Variants in NUP153 observed in about 807,000 individuals in gnomAD.
The protein encoded by NUP153 is nucleoporin 153, also known as nuclear pore complex protein Nup153.
In NUP153, 27 loss-of-function variants were observed where a neutral mutation model predicts 134.6. The ratio of observed to expected loss-of-function variants is 0.20; its 90% CI spans 0.15 to 0.28. The LOEUF (loss-of-function observed/expected upper bound fraction) is 0.28, where lower values mean the gene tolerates loss of function less well. Ranked by LOEUF, NUP153 falls within the 10% of genes least tolerant of loss-of-function variation. The pLI is 1.00. For synonymous variants in NUP153, 640 were observed against 623.5 expected (o/e 1.03, Z -0.40); for missense variants, 1,821 against 1,731.3 (o/e 1.05, Z -0.92).
rs1253846310 is a variant in NUP153, at chr6:17,625,071, C to G, written c.3902-238G>C. Among the ~76,000 whole-genome samples the G allele has an allele frequency of 6.6e-6, 1 of 152,186 alleles. No individual in the cohort carries two copies. Among genetic ancestry groups the G allele is most frequent in the Non-Finnish European group, 1.5e-5 (1 of 68,040 alleles). ...ACTGCAATTAACAACTACTCCACAC[C>G]TTTACAGCCGACAATTTCTGGTAAA... On this transcript the variant is annotated intron_variant, in intron 19 of 21. Coordinates refer to ENST00000262077, the MANE Select transcript of NUP153 (RefSeq NM_005124.4). The surrounding 1 kb of genome is among the most constrained non-coding windows in gnomAD (Gnocchi z 4.7).
intron 20 of NUP153, among the ~76,000 whole-genome samples, chr6:17,618,788 G>T (rs1050318263): frequency 4.7e-4 from 72 of 152,098 alleles, no homozygotes; most frequent in Admixed American, 4.6e-3. Context: ...GGATGGTCTC[G>T]ATATCCTGAC....
At chr6:17,698,078 TC>T (rs1358886769) in intron 1 of NUP153, among the ~76,000 whole-genome samples, 4 of 152,204 alleles carry the variant, frequency 2.6e-5, no homozygotes, top group Admixed American at 6.5e-5. Context: ...TTTCACTGGA[TC>T]TTTAACTATA....
intron 11 of NUP153, among the ~76,000 whole-genome samples, chr6:17,659,450 T>TA (rs1359438748): frequency 1.3e-5 from 2 of 152,178 alleles, no homozygotes; most frequent in Non-Finnish European, 2.9e-5. Context: ...TTACACAAGG[T>TA]AAGACAGCCC....
Position 17,626,015 on chromosome 6 carries a change from T to C in NUP153, c.3694A>G (p.Ser1232Gly), listed in dbSNP as rs1379065427. ...AAGGCAGAGCTGCTCACAGGATTGC[T>C]GGACTGTCCAAACACAAAGGTAGCC... The part of the protein sequence containing the change: ...PVATFVFGQS[S>G]NPVSSSAFGN... Residue 1232 changes from serine (S) to glycine (G), a missense_variant, in exon 19 of 22, where the codon AGC becomes GGC. Transcript: ENST00000262077. 1.2e-6 allele frequency: 2 copies of C among 1,614,190 alleles called. No individual in the cohort carries two copies. Among genetic ancestry groups the C allele is most frequent in the Admixed American group, 3.3e-5 (2 of 60,032 alleles).
At chr6:17,650,392 A>C (rs373322315) in intron 11 of NUP153, among the ~76,000 whole-genome samples, 1 of 152,180 alleles carries the variant, frequency 6.6e-6, no homozygotes, top group South Asian at 2.1e-4. Context: ...TCTACATATA[A>C]GCCACCCGAA....
intron 2 of NUP153, among the ~76,000 whole-genome samples, chr6:17,682,620 T>A (rs1027176174): frequency 6.6e-6 from 1 of 152,026 alleles, no homozygotes; most frequent in African/African-American, 2.4e-5. Flanking sequence ...GTAGATTCCA[T>A]CTCACGAAAC....
chr6:17,696,530 T>C (rs549028726), intron 1 of NUP153, among the ~76,000 whole-genome samples: 20 of 151,042 alleles, frequency 1.3e-4, no homozygotes, highest in African/African-American at 3.4e-4. Context: ...CCGAGGCGGG[T>C]GGATCACAAG....
At chr6:17,660,553 T>TATACATATAC (rs1423723906) in intron 11 of NUP153, among the ~76,000 whole-genome samples, 1 of 151,536 alleles carries the variant, frequency 6.6e-6, no homozygotes, top group African/African-American at 2.4e-5. Context: ...ATAAATTATA[T>TATACATATAC]ATACATATAC....
Position 17,706,322 on chromosome 6 carries a change from G to C in NUP153, c.66C>G (p.His22Gln). Residue 22 changes from histidine to glutamine, a missense_variant, in exon 1 of 22, where the codon CAC becomes CAG. Transcript: ENST00000262077. The surrounding 1 kb of genome is among the most constrained non-coding windows in gnomAD (Gnocchi z 5.9). ...GGGKIRTRRCHQGPIKPYQQG... is the reference protein window; with the variant it reads ...GGGKIRTRRCQQGPIKPYQQG... ...GCTGGTAAGGCTTAATTGGCCCCTG[G>C]TGGCAACGCCGCGTCCGGATCTTGC... The C allele has an allele frequency of 6.2e-7, 1 of 1,613,698 alleles. No individual in the cohort carries two copies. Among genetic ancestry groups the C allele is most frequent in the Non-Finnish European group, 8.5e-7 (1 of 1,179,774 alleles).
chr6:17,616,051 AGG>A lies in NUP153; in HGVS notation c.*44_*45del, dbSNP rs759529094. ...AAAGTACAATCCAGTATCTGAAAGC[AGG>A]GCACCAGCTGTTGTTAAAATTGAGT... is the stretch of plus-strand genomic sequence containing the variant. On this transcript the variant is annotated 3_prime_UTR_variant, in exon 22 of 22. Coordinates refer to ENST00000262077, the MANE Select transcript of NUP153 (RefSeq NM_005124.4). The A allele has an allele frequency of 5.1e-5, 67 of 1,313,024 alleles. No individual in the cohort carries two copies. Among genetic ancestry groups the A allele is most frequent in the Non-Finnish European group, 7.0e-5 (63 of 906,204 alleles). The allele number at this position is 1,313,024 out of a possible 1,614,324, so 81.3% of individuals were successfully genotyped here. A position where few individuals can be genotyped will look rare whatever the true frequency, so the allele number is the denominator to read the frequency against.
At chr6:17,696,880 C>T (rs1250662423) in intron 1 of NUP153, among the ~76,000 whole-genome samples, 1 of 152,038 alleles carries the variant, frequency 6.6e-6, no homozygotes, top group Non-Finnish European at 1.5e-5. Flanking sequence ...TGAGACCAGC[C>T]TGACCAACAT....
At position 17,669,510 on chromosome 6, in the gene NUP153, T is replaced by C. The variant is rs1334288620; in HGVS notation, c.889A>G (p.Ser297Gly). ...CTGGTCACACCGTAAGATTGTGCAC[T>C]GAGTTGCTTAGCTTTCATTTGTCTT... ...VRRQMKAKQL[S>G]AQSYGVTSST... Residue 297 changes from serine (S) to glycine (G), a missense_variant, in exon 6 of 22, where the codon AGT becomes GGT. Ser to Gly is a moderately conservative substitution (Grantham distance 56). Coordinates refer to ENST00000262077, the MANE Select transcript of NUP153 (RefSeq NM_005124.4). The C allele has an allele frequency of 1.9e-6, 3 of 1,613,872 alleles. No individual in the cohort carries two copies. Among genetic ancestry groups the C allele is most frequent in the Non-Finnish European group, 2.5e-6 (3 of 1,179,842 alleles).
chr6:17,688,353 T>A (rs750723665), intron 2 of NUP153, 43 bp downstream of exon 2: 1 of 1,516,800 alleles, frequency 6.6e-7, no homozygotes, highest in African/African-American at 1.4e-5. Flanking sequence ...AATTAGGGCA[T>A]GAAAACCTAT....
chr6:17,629,139 T>C lies in NUP153; in HGVS notation c.3060A>G (p.Ala1020=), dbSNP rs369068049. Reference sequence around the variant, plus strand: ...TAACACCTGTACCAAAGCTAAAACCTGCAGAGGAAGATTTGGGCAGTTCCT... The same window carrying C: ...TAACACCTGTACCAAAGCTAAAACCCGCAGAGGAAGATTTGGGCAGTTCCT... ...KKEELPKSSS[A]GFSFGTGVIN... Residue 1020 remains alanine, a synonymous_variant, in exon 18 of 22, where the codon GCA becomes GCG. Transcript: ENST00000262077. The C allele has an allele frequency of 1.2e-6, 2 of 1,613,628 alleles. No individual in the cohort carries two copies. The highest frequency in any genetic ancestry group is 1.1e-5 in the South Asian group (1 of 90,856).
chr6:17,641,131 G>A (rs770642185), intron 14 of NUP153, among the ~76,000 whole-genome samples: 3 of 152,138 alleles, frequency 2.0e-5, no homozygotes, highest in Non-Finnish European at 2.9e-5. Context: ...TTTAAGGGGC[G>A]ATTTCTATTT....
Position 17,706,083 on chromosome 6 carries a change from G to A in NUP153, c.111+194C>T, listed in dbSNP as rs1306945416. Among the ~76,000 whole-genome samples the A allele has an allele frequency of 6.6e-6, 1 of 152,116 alleles. No individual in the cohort carries two copies. ...AAGGCGGCCCAAACCACACGTGTGCGCCGCAAGGCTGGGCCTGTCTCAGCC... is the reference window on the plus strand; with the variant it reads ...AAGGCGGCCCAAACCACACGTGTGCACCGCAAGGCTGGGCCTGTCTCAGCC... On this transcript the variant is annotated intron_variant, in intron 1 of 21. Transcript: ENST00000262077. This position sits in a 1 kb window ranked among gnomAD's most constrained non-coding sequence, Gnocchi z 5.9.
At chr6:17,702,184 A>G (rs1329234840) in intron 1 of NUP153, among the ~76,000 whole-genome samples, 1 of 152,178 alleles carries the variant, frequency 6.6e-6, no homozygotes, top group African/African-American at 2.4e-5. Context: ...CATTCTCTTC[A>G]GTTACCTATT....
In NUP153 at chr6:17,626,270, T is replaced by C; in HGVS notation, c.3545-106A>G. ...AGAATTTTCCTACCCTAGAATTCGC[T>C]AGAAAATAGATTTTTTATATAGATT... On this transcript the variant is annotated intron_variant, in intron 18 of 21. Transcript: ENST00000262077. 3.9e-6 allele frequency: 3 copies of C among 764,052 alleles called. No homozygotes were observed. The Admixed American group carries it at 8.1e-5, about 21-fold the overall frequency. 47.3% of individuals were successfully genotyped at this position (764,052 alleles called of 1,614,324 possible).
At chr6:17,646,240 C>A in intron 13 of NUP153, 86 bp from the exon 14 acceptor site, 1 of 646,842 alleles carries the variant, frequency 1.5e-6, no homozygotes, top group Non-Finnish European at 2.6e-6. Flanking sequence ...CGGAGTCTTA[C>A]TCTGTCGCCC....
Sources: allele counts gnomAD v4.1 joint callset (sites outside exome capture counted in the v4.1 genomes callset), GRCh38; gene constraint gnomAD v4.1.1; non-coding constraint Gnocchi (gnomAD v3.1); transcripts MANE v1.5; gene names NCBI Gene and HGNC (gene_info 2026-07-23, HGNC 2026-07-21).